The following RFX4 variants were observed in gnomAD, a reference collection of about 807,000 sequenced individuals.
RFX4 encodes the protein regulatory factor X4.
Under a neutral mutation model 95.0 loss-of-function variants are expected in RFX4, and 10 were observed. The ratio of observed to expected loss-of-function variants is 0.11; its 90% confidence interval spans 0.06 to 0.18. The LOEUF (loss-of-function observed/expected upper bound fraction) is 0.18. Among genes scored for constraint, RFX4 ranks in the 10% least tolerant of loss-of-function variants. The pLI, the probability that RFX4 is intolerant of heterozygous loss-of-function variation, is 1.00. For missense variants in RFX4, 640 were observed against 922.0 expected (o/e 0.69, Z 3.96); for synonymous variants, 321 against 340.7 (o/e 0.94, Z 0.64).
At chr12:106,692,383 T>G (rs1277531862) in intron 7 of RFX4, among the ~76,000 whole-genome samples, 1 of 152,110 alleles carries the variant, frequency 6.6e-6, no homozygotes, top group Non-Finnish European at 1.5e-5. Context: ...AACATGAAAT[T>G]GTGTATGTAA....
intron 8 of RFX4, among the ~76,000 whole-genome samples, chr12:106,704,028 T>G (rs1210171665): frequency 2.4e-5 from 3 of 126,404 alleles, no homozygotes; most frequent in Admixed American, 2.1e-4. Context: ...ATTCCACCAC[T>G]GCACTCCAGC....
chr12:106,734,957 G>C (rs2042682341), intron 15 of RFX4, among the ~76,000 whole-genome samples: 1 of 151,246 alleles, frequency 6.6e-6, no homozygotes, highest in African/African-American at 2.4e-5. Flanking sequence ...TGGAGGCTGA[G>C]ATGGGAGGAT....
In RFX4 at chr12:106,720,999, C is replaced by T. The variant is rs2042386493; in HGVS notation, c.1351+123C>T. 1.3e-6 allele frequency: 1 copy of T among 776,362 alleles called. No individual in the cohort carries two copies. 48.1% of individuals were successfully genotyped at this position (776,362 alleles called of 1,614,324 possible). A position where few individuals can be genotyped will look rare whatever the true frequency, so the allele number is the denominator to read the frequency against. On this transcript the variant is annotated intron_variant, in intron 13 of 17. Transcript: ENST00000392842. The surrounding 1 kb of genome is among the most constrained non-coding windows in gnomAD (Gnocchi z 4.2). ...GTCATCACCCTGAAACACATCTCTT[C>T]TGGGGAGACATGACATTGTTAGGAC...
At chr12:106,624,099 GTC>G (rs1330456189) in intron 2 of RFX4, among the ~76,000 whole-genome samples, 1 of 152,154 alleles carries the variant, frequency 6.6e-6, no homozygotes, top group Non-Finnish European at 1.5e-5. Flanking sequence ...CTTCTTGTGT[GTC>G]TCTCTTTTAT....
intron 2 of RFX4, among the ~76,000 whole-genome samples, chr12:106,614,755 C>T (rs1216631740): frequency 2.7e-5 from 4 of 150,046 alleles, no homozygotes; most frequent in South Asian, 4.3e-4. Flanking sequence ...GTGATCTACC[C>T]GCCTTGGCCT....
At chr12:106,690,085 G>A (rs1176193126) in intron 7 of RFX4, among the ~76,000 whole-genome samples, 1 of 152,086 alleles carries the variant, frequency 6.6e-6, no homozygotes, top group Non-Finnish European at 1.5e-5. Context: ...TTGTGGGAAG[G>A]GGGTGCTGTT....
At chr12:106,652,967 C>A (rs2040884041) in intron 3 of RFX4, among the ~76,000 whole-genome samples, 1 of 152,188 alleles carries the variant, frequency 6.6e-6, no homozygotes, top group Non-Finnish European at 1.5e-5. Context: ...GTTTTCCAGT[C>A]ACTTTATCCC....
At chr12:106,674,530 C>T (rs144762874) in intron 4 of RFX4, among the ~76,000 whole-genome samples, 1 of 152,092 alleles carries the variant, frequency 6.6e-6, no homozygotes, top group Non-Finnish European at 1.5e-5. Flanking sequence ...GGGGTTTCAC[C>T]ATGTTGTCCA....
intron 2 of RFX4, among the ~76,000 whole-genome samples, chr12:106,628,534 G>A (rs1330281736): frequency 6.6e-6 from 1 of 152,030 alleles, no homozygotes; most frequent in Non-Finnish European, 1.5e-5. Flanking sequence ...CCCCTATAGG[G>A]TCTTTTTAAT....
At chr12:106,730,046 T>G (rs1013185142) in intron 13 of RFX4, among the ~76,000 whole-genome samples, 1 of 152,022 alleles carries the variant, frequency 6.6e-6, no homozygotes. Context: ...CAGTGGACCT[T>G]GGCCTTGAGC....
intron 8 of RFX4, among the ~76,000 whole-genome samples, chr12:106,706,661 A>T (rs914083541): frequency 4.6e-5 from 7 of 152,238 alleles, no homozygotes; most frequent in Non-Finnish European, 1.0e-4. Context: ...ACTCAACCAA[A>T]TCAGAGTGTA....
chr12:106,601,555 G>A (rs574819500), intron 1 of RFX4, among the ~76,000 whole-genome samples: 1 of 152,306 alleles, frequency 6.6e-6, no homozygotes, highest in South Asian at 2.1e-4. Context: ...ATTAAATCCC[G>A]GTGACACTTT....
intron 1 of RFX4, among the ~76,000 whole-genome samples, chr12:106,597,934 A>G (rs533535778): frequency 1.8e-4 from 27 of 152,326 alleles, no homozygotes; most frequent in Non-Finnish European, 2.9e-4. Flanking sequence ...TGTCAAAAAC[A>G]AACTATTGGG....
In RFX4 at chr12:106,620,294, C is replaced by T. The variant is rs535356154; in HGVS notation, c.130+11411C>T. On this transcript the variant is annotated intron_variant, in intron 2 of 17. Coordinates refer to ENST00000392842, the MANE Select transcript of RFX4 (RefSeq NM_213594.3). The stretch of plus-strand genomic sequence containing the variant: ...ATATTTCAACGTAGGTTCTATTTTC[C>T]ATAAGTGTCGGCTGGCTGAGAAATA... Among the ~76,000 whole-genome samples, 20 of 152,190 alleles carry T rather than the reference C, an allele frequency of 1.3e-4. No individual in the cohort carries two copies. The South Asian group carries it at 3.9e-3, about 30-fold the overall frequency.
chr12:106,690,968 A>G (rs12315805), intron 7 of RFX4, among the ~76,000 whole-genome samples: 202 of 152,242 alleles, frequency 1.3e-3, no homozygotes, highest in African/African-American at 4.6e-3. Flanking sequence ...TCCAACACCT[A>G]TTGGGTCCCA....
In RFX4 at chr12:106,722,452, G is replaced by A. The variant is rs563732450; in HGVS notation, c.1351+1576G>A. Among the ~76,000 whole-genome samples, 4 of 152,290 alleles carry A rather than the reference G, an allele frequency of 2.6e-5. No individual in the cohort carries two copies. In the East Asian group the frequency reaches 5.8e-4, roughly 22 times the overall value. On this transcript the variant is annotated intron_variant, in intron 13 of 17. Transcript: ENST00000392842. ...TTCATCTGTGCTTACTGAGTTAACA[G>A]TCAATGTAAAAAAGAAAGCTTGAGC...
chr12:106,682,997 T>C (rs970864381), intron 5 of RFX4: 2 of 152,214 alleles, frequency 1.3e-5, no homozygotes, highest in Non-Finnish European at 2.9e-5. Flanking sequence ...TCAGAACCCT[T>C]ATTATGCTAA....
intron 2 of RFX4, among the ~76,000 whole-genome samples, chr12:106,616,660 AT>A: frequency 6.6e-6 from 1 of 152,118 alleles, no homozygotes; most frequent in Non-Finnish European, 1.5e-5. Context: ...TTATATTTTT[AT>A]TTCTTTTTTT....
At chr12:106,703,948 C>T (rs1393317661) in intron 8 of RFX4, among the ~76,000 whole-genome samples, 1 of 151,716 alleles carries the variant, frequency 6.6e-6, no homozygotes, top group Non-Finnish European at 1.5e-5. Context: ...CACCTGTAAT[C>T]CCAGCTACTT....
Sources: allele counts gnomAD v4.1 joint callset (sites outside exome capture counted in the v4.1 genomes callset), GRCh38; gene constraint gnomAD v4.1.1; non-coding constraint Gnocchi (gnomAD v3.1); transcripts MANE v1.5; gene names NCBI Gene and HGNC (gene_info 2026-07-23, HGNC 2026-07-21).